The following CEP135 variants were observed in gnomAD, a reference collection of about 807,000 sequenced individuals.
CEP135 encodes the protein centrosomal protein of 135 kDa.
A neutral mutation model predicts 157.3 loss-of-function variants in CEP135; 142 were observed. That is an observed-to-expected ratio of 0.90 (90% CI 0.79 to 1.04). The LOEUF (loss-of-function observed/expected upper bound fraction) is 1.04. Among genes scored for constraint, CEP135 ranks in the 50% least tolerant of loss-of-function variants. CEP135 has a pLI of 0.00. For missense variants in CEP135, 1,317 were observed against 1,309.2 expected, an observed-to-expected ratio of 1.01 and a Z score of -0.09; for synonymous variants, 396 against 439.8, an observed-to-expected ratio of 0.90 and a Z score of 1.25.
At chr4:55,966,905 AT>A (rs1480134032) in intron 8 of CEP135, among the ~76,000 whole-genome samples, 1 of 152,168 alleles carries the variant, frequency 6.6e-6, no homozygotes, top group African/African-American at 2.4e-5. Flanking sequence ...TTTCCAGTCT[AT>A]TTTAAATATA....
intron 14 of CEP135, among the ~76,000 whole-genome samples, chr4:55,989,243 G>A (rs536910000): frequency 6.6e-6 from 1 of 152,130 alleles, no homozygotes; most frequent in South Asian, 2.1e-4. Context: ...TTAAAGAAAT[G>A]CAGAAGATCT....
At chr4:56,000,026 C>T (rs1055810288) in intron 17 of CEP135, among the ~76,000 whole-genome samples, 4 of 151,960 alleles carry the variant, frequency 2.6e-5, no homozygotes, top group Non-Finnish European at 5.9e-5. Flanking sequence ...TCCATCTCTA[C>T]CAAAAATACA....
chr4:56,020,510 A>T (rs1207077782), intron 23 of CEP135, among the ~76,000 whole-genome samples, 166 bp from the exon 24 acceptor site: 1 of 152,254 alleles, frequency 6.6e-6, no homozygotes, highest in Non-Finnish European at 1.5e-5. Flanking sequence ...TACATGTTTC[A>T]TAAATAAACT....
chr4:55,966,117 C>T (rs1302324747), intron 8 of CEP135: 1 of 366,122 alleles, frequency 2.7e-6, no homozygotes, highest in Admixed American at 4.5e-5. Flanking sequence ...GTCTGTTTTC[C>T]TTCACGATTT....
At chr4:56,024,357 A>T in intron 24 of CEP135, 144 bp from the exon 25 acceptor site, 1 of 515,852 alleles carries the variant, frequency 1.9e-6, no homozygotes, top group Non-Finnish European at 3.4e-6. Context: ...CTACTTAAAA[A>T]TTGTACAAAG....
Position 56,032,777 on chromosome 4 carries a change from C to G in CEP135, c.*1429C>G, listed in dbSNP as rs1731402243. ...TCATTATGATTGAAAAACATAAAAA[C>G]TAACATAGGAAAGTGAATGATCAGT... is the stretch of plus-strand genomic sequence containing the variant. On this transcript the variant is annotated 3_prime_UTR_variant, in exon 26 of 26. Transcript: ENST00000257287. 1 of 151,878 alleles carries G rather than the reference C, an allele frequency of 6.6e-6. No individual in the cohort carries two copies. Among genetic ancestry groups the G allele is most frequent in the Non-Finnish European group, 1.5e-5 (1 of 67,982 alleles). The allele number at this position is 151,878 out of a possible 1,614,324, so 9.4% of individuals were successfully genotyped here.
rs755646494 is a variant in CEP135, at chr4:56,011,900, C to G, written c.2717C>G (p.Ser906Ter). The change falls in exon 21 of 26, where the codon TCA becomes TGA. Residue 906 changes from serine (S) to a stop codon, truncating the protein, a stop_gained. Coordinates refer to ENST00000257287, the MANE Select transcript of CEP135 (RefSeq NM_025009.5). LOFTEE classifies it high-confidence loss of function. ...KAHQAEGESS[S>*]VRLELLSIDT... ...CATCAAGCTGAGGGAGAAAGCAGCT[C>G]AGTTCGACTGGAACTTCTTTCTATT... The G allele has an allele frequency of 1.2e-6, 2 of 1,605,898 alleles. No homozygotes were observed. Among genetic ancestry groups the G allele is most frequent in the South Asian group, 2.2e-5 (2 of 90,048 alleles).
chr4:56,024,550 C>G lies in CEP135; in HGVS notation c.3370C>G (p.Leu1124Val). 1 of 1,613,908 alleles carries G rather than the reference C, an allele frequency of 6.2e-7. No homozygotes were observed. Among genetic ancestry groups the G allele is most frequent in the Non-Finnish European group, 8.5e-7 (1 of 1,179,894 alleles). The part of the protein sequence containing the change: ...MRRHGLATPP[L>V]SSTLRSPSHS... Reference sequence around the variant, plus strand: ...TCGACATGGTCTTGCTACACCACCCCTTAGTTCCACTCTGAGGTCTCCTTC... The same window carrying G: ...TCGACATGGTCTTGCTACACCACCCGTTAGTTCCACTCTGAGGTCTCCTTC... Residue 1124 changes from leucine to valine, a missense_variant, in exon 25 of 26, where the codon CTT (leucine) becomes GTT (valine). Transcript: ENST00000257287.
intron 1 of CEP135, among the ~76,000 whole-genome samples, chr4:55,950,752 T>C (rs1036056681): frequency 6.6e-6 from 1 of 151,042 alleles, no homozygotes. Context: ...GAGGTACTTA[T>C]GTGTGTCTTT....
In CEP135 at chr4:55,971,291, GA is replaced by G; in HGVS notation, c.1136del (p.Lys379ArgfsTer4). On this transcript the variant is annotated frameshift_variant, in exon 10 of 26. Transcript: ENST00000257287. LOFTEE classifies it high-confidence loss of function. Reference protein sequence around the residue: ...LQLELNLCQKEKERLSDELLV... With the variant: ...LQLELNLCQKXKERLSDELLV... ...GCAGGAATTGAACTTATGCCAGAAA[GA>G]AAAGGAGAGACTGAGTGATGAACTC... The G allele has an allele frequency of 6.3e-7, 1 of 1,591,072 alleles. No homozygotes were observed. The highest frequency in any genetic ancestry group is 8.5e-7 in the Non-Finnish European group (1 of 1,172,370).
chr4:55,987,673 C>CT (rs1577888151), intron 14 of CEP135, among the ~76,000 whole-genome samples: 1 of 152,142 alleles, frequency 6.6e-6, no homozygotes, highest in East Asian at 1.9e-4. Flanking sequence ...AATCTGGTCT[C>CT]TATCACTCCA....
Position 55,954,390 on chromosome 4 carries a change from C to G in CEP135, c.472+7C>G. On this transcript the variant is annotated splice_region_variant and intron_variant, in intron 4 of 25. Coordinates refer to ENST00000257287, the MANE Select transcript of CEP135 (RefSeq NM_025009.5). ...GCTGTAGTACAAACTCCAGGTAAATCGATTCCTTCTCGAGACAAATTATAC... is the reference window on the plus strand; with the variant it reads ...GCTGTAGTACAAACTCCAGGTAAATGGATTCCTTCTCGAGACAAATTATAC... 1 of 1,580,462 alleles carries G rather than the reference C, an allele frequency of 6.3e-7. No homozygotes were observed. The highest frequency in any genetic ancestry group is 8.6e-7 in the Non-Finnish European group (1 of 1,167,422).
chr4:56,022,267 T>C (rs1359957626), intron 24 of CEP135, among the ~76,000 whole-genome samples: 1 of 152,152 alleles, frequency 6.6e-6, no homozygotes, highest in Non-Finnish European at 1.5e-5. Flanking sequence ...GTTCCTTGCC[T>C]CAACGAAACC....
intron 19 of CEP135, among the ~76,000 whole-genome samples, chr4:56,010,840 G>GT (rs928196367): frequency 7.2e-5 from 11 of 152,184 alleles, no homozygotes; most frequent in African/African-American, 2.7e-4. Context: ...AAATATGAAT[G>GT]TTTTTTAATG....
intron 21 of CEP135, among the ~76,000 whole-genome samples, chr4:56,013,857 A>T (rs1482858076): frequency 3.3e-5 from 5 of 152,210 alleles, no homozygotes; most frequent in Admixed American, 6.5e-5. Context: ...AGATGGAATC[A>T]AGTTAAAATG....
At chr4:55,971,664 G>C (rs1346952404) in intron 10 of CEP135, among the ~76,000 whole-genome samples, 1 of 151,838 alleles carries the variant, frequency 6.6e-6, no homozygotes, top group East Asian at 1.9e-4. Context: ...CCTTCTTTGA[G>C]ACAGACTAAT....
rs1033748980 is a variant in CEP135 at position 55,965,773 on chromosome 4, A to G, written c.958A>G (p.Thr320Ala). The change falls in exon 8 of 26, where the codon ACT (threonine) becomes GCT (alanine). Residue 320 changes from threonine to alanine, a missense_variant. Thr to Ala is a moderately conservative substitution (Grantham distance 58). Coordinates refer to ENST00000257287, the MANE Select transcript of CEP135 (RefSeq NM_025009.5). Reference sequence around the variant, plus strand: ...AAATGAAAAACTCTGCCAAGAATTAACTGAAATAGATCAGTTAGCACAGCA... The same window carrying G: ...AAATGAAAAACTCTGCCAAGAATTAGCTGAAATAGATCAGTTAGCACAGCA... ...NKNEKLCQEL[T>A]EIDQLAQQLE... is the part of the protein sequence containing the mutation. 1 of 1,613,912 alleles carries G rather than the reference A, an allele frequency of 6.2e-7. No homozygotes were observed. The highest frequency in any genetic ancestry group is 8.5e-7 in the Non-Finnish European group (1 of 1,179,862).
chr4:55,986,209 A>G lies in CEP135; in HGVS notation c.1857+851A>G, dbSNP rs1177711559. Among the ~76,000 whole-genome samples the G allele has an allele frequency of 4.6e-5, 7 of 152,352 alleles. No individual in the cohort carries two copies. The East Asian group carries it at 1.3e-3, about 29-fold the overall frequency. ...GGCATATTGTAAGCTCTTAGTAGGT[A>G]TTAGCTATGATTATTGTTGTTTTGC... On this transcript the variant is annotated intron_variant, in intron 14 of 25. Transcript: ENST00000257287.
At position 55,998,954 on chromosome 4, in the gene CEP135, T is replaced by C. The variant is rs558210144; in HGVS notation, c.2010-348T>C. On this transcript the variant is annotated intron_variant, in intron 15 of 25. Coordinates refer to ENST00000257287, the MANE Select transcript of CEP135 (RefSeq NM_025009.5). ...GCCAGGTCATACTGTAAGAACAGGATTTTTCCTTTGCCTCCACTATTGGAA... is the reference window on the plus strand; with the variant it reads ...GCCAGGTCATACTGTAAGAACAGGACTTTTCCTTTGCCTCCACTATTGGAA... Among the ~76,000 whole-genome samples the C allele has an allele frequency of 3.3e-5, 5 of 152,302 alleles. No homozygotes were observed. The South Asian group carries it at 1.0e-3, about 32-fold the overall frequency.
Sources: gnomAD v4.1 joint callset for allele counts (sites outside exome capture counted in the v4.1 genomes callset) on GRCh38, gnomAD v4.1.1 for gene constraint, MANE v1.5 for transcripts, NCBI Gene and HGNC (gene_info 2026-07-23, HGNC 2026-07-21) for gene names.